Variants in PPM1A observed in about 807,000 individuals in gnomAD.
PPM1A encodes protein phosphatase 1A.
Under a neutral mutation model 35.0 loss-of-function variants are expected in PPM1A, and 7 were observed. The ratio of observed to expected loss-of-function variants is 0.20; its 90% CI spans 0.11 to 0.38. The LOEUF is 0.38. Among genes scored for constraint, PPM1A ranks in the 10% least tolerant of loss-of-function variants. The pLI, the probability that PPM1A is intolerant of heterozygous loss-of-function variation, is 1.00. For missense variants in PPM1A, 239 were observed against 467.8 expected, an observed-to-expected ratio of 0.51 and a Z score of 4.51; for synonymous variants, 153 against 167.3, an observed-to-expected ratio of 0.91 and a Z score of 0.66.
intron 1 of PPM1A, among the ~76,000 whole-genome samples, chr14:60,270,235 A>G (rs931533857): frequency 7.2e-5 from 11 of 152,158 alleles, no homozygotes; most frequent in Admixed American, 5.9e-4. Context: ...AAAATATTGC[A>G]ATGATATTTT....
At chr14:60,255,717 C>G (rs1368108688) in intron 1 of PPM1A, among the ~76,000 whole-genome samples, 2 of 152,116 alleles carry the variant, frequency 1.3e-5, no homozygotes, top group South Asian at 2.1e-4. Flanking sequence ...GACTCTCTTC[C>G]TGAATGTTAT....
At position 60,249,223 on chromosome 14, in the gene PPM1A, A is replaced by ATGC; in HGVS notation, c.-475_-474insTGC. The ATGC allele has an allele frequency of 1.0e-6, 1 of 986,602 alleles. No homozygotes were observed. Among genetic ancestry groups the ATGC allele is most frequent in the Non-Finnish European group, 1.2e-6 (1 of 831,496 alleles). The allele number at this position is 986,602 out of a possible 1,614,324, so 61.1% of individuals were successfully genotyped here. On this transcript the variant is annotated 5_prime_UTR_variant, in exon 1 of 6. It adds an upstream start codon to the 5' untranslated region. Coordinates refer to ENST00000395076, the MANE Select transcript of PPM1A (RefSeq NM_021003.5). This position sits in a 1 kb window ranked among gnomAD's most constrained non-coding sequence, Gnocchi z 4.5. The stretch of plus-strand genomic sequence containing the variant: ...GCGCGCCTGCGCGGGGCCGCGCTAG[A>ATGC]GGCGGCGGCGGCGGCGGTGGCGGCG...
At chr14:60,270,333 T>A (rs554493714) in intron 1 of PPM1A, among the ~76,000 whole-genome samples, 3 of 152,180 alleles carry the variant, frequency 2.0e-5, no homozygotes, top group Admixed American at 6.5e-5. Flanking sequence ...TTAGGTTTTT[T>A]AAAATTTTCT....
upstream of PPM1A, chr14:60,245,754 T>C (rs1256022894): frequency 8.7e-7 from 1 of 1,147,970 alleles, no homozygotes; most frequent in Non-Finnish European, 1.2e-6. This position sits in a 1 kb window ranked among gnomAD's most constrained non-coding sequence, Gnocchi z 4.2. Context: ...TTTCTCATAA[T>C]GTATTATGAT....
rs1249711613 is a variant in PPM1A at position 60,293,069 on chromosome 14, C to T, written c.*587C>T. On this transcript the variant is annotated 3_prime_UTR_variant, in exon 6 of 6. Coordinates refer to ENST00000395076, the MANE Select transcript of PPM1A (RefSeq NM_021003.5). This position sits in a 1 kb window ranked among gnomAD's most constrained non-coding sequence, Gnocchi z 4.0. ...GTTGGCATTGTTGATAAAGCCAGTC[C>T]CTTCATTTAACTGTCTTTCAGGATG... The T allele has an allele frequency of 3.9e-5, 6 of 151,944 alleles. No homozygotes were observed. The highest frequency in any genetic ancestry group is 1.5e-4 in the African/African-American group (6 of 41,346). The allele number at this position is 151,944 out of a possible 1,614,324, so 9.4% of individuals were successfully genotyped here. A position where few individuals can be genotyped will look rare whatever the true frequency, so the allele number is the denominator to read the frequency against.
intron 1 of PPM1A, among the ~76,000 whole-genome samples, chr14:60,275,047 A>G (rs1450847007): frequency 1.4e-5 from 2 of 143,618 alleles, no homozygotes; most frequent in Non-Finnish European, 3.0e-5. Context: ...AAAATTTTAG[A>G]TTTCTTTCTT....
rs1442828242 is a variant in PPM1A, at chr14:60,286,943, T to TTA, written c.952+1205_952+1206dup. On this transcript the variant is annotated intron_variant, in intron 3 of 5. Transcript: ENST00000395076. ...AAATTAATCATTCAATATAAGTTATTTATAGGTATAGTACAATTTTAAAAT... is the reference window on the plus strand; with the variant it reads ...AAATTAATCATTCAATATAAGTTATTTATATAGGTATAGTACAATTTTAAAAT... The TTA allele has an allele frequency of 6.7e-6, 6 of 894,408 alleles. No individual in the cohort carries two copies. The African/African-American group carries it at 9.0e-5, about 13-fold the overall frequency. The allele number at this position is 894,408 out of a possible 1,614,324, so 55.4% of individuals were successfully genotyped here. A position where few individuals can be genotyped will look rare whatever the true frequency, so the allele number is the denominator to read the frequency against.
At chr14:60,246,062 G>T, upstream of PPM1A, 1 of 1,538,194 alleles carries the variant, frequency 6.5e-7, no homozygotes, top group South Asian at 1.2e-5. Flanking sequence ...GAGGGAGGAA[G>T]GAATTGTTGA....
At chr14:60,287,678 G>A (rs1413070167) in intron 3 of PPM1A, 4 of 985,124 alleles carry the variant, frequency 4.1e-6, no homozygotes, top group Admixed American at 1.2e-4. Flanking sequence ...AAAGGACAAA[G>A]GCCTTCCAGC....
chr14:60,276,517 T>C (rs1019438678), intron 1 of PPM1A, among the ~76,000 whole-genome samples: 1 of 152,232 alleles, frequency 6.6e-6, no homozygotes, highest in South Asian at 2.1e-4. Flanking sequence ...TTTTGTTATA[T>C]GAGTAAGAAT....
At chr14:60,281,036 T>A (rs902181919) in intron 1 of PPM1A, among the ~76,000 whole-genome samples, 3 of 152,122 alleles carry the variant, frequency 2.0e-5, no homozygotes, top group African/African-American at 7.2e-5. Flanking sequence ...GGAGATAATA[T>A]TATTATCTAC....
intron 1 of PPM1A, among the ~76,000 whole-genome samples, chr14:60,280,565 C>T (rs1240310077): frequency 6.6e-6 from 1 of 152,070 alleles, no homozygotes; most frequent in African/African-American, 2.4e-5. Context: ...TTCCTTTTCT[C>T]AAGGTAGTGG....
At chr14:60,248,953 G>T (rs538079334), upstream of PPM1A, among the ~76,000 whole-genome samples, 1 of 152,290 alleles carries the variant, frequency 6.6e-6, no homozygotes, top group Admixed American at 6.5e-5. Context: ...CGCTCCCTTC[G>T]GCTTCGGCCT....
upstream of PPM1A, chr14:60,246,139 G>A: frequency 8.0e-7 from 1 of 1,257,484 alleles, no homozygotes; most frequent in Non-Finnish European, 1.1e-6. Flanking sequence ...GGATGGTGAG[G>A]GGTATTCTCA....
At chr14:60,258,118 A>G (rs559231060) in intron 1 of PPM1A, among the ~76,000 whole-genome samples, 1 of 152,160 alleles carries the variant, frequency 6.6e-6, no homozygotes, top group African/African-American at 2.4e-5. Context: ...TACAGTAAGC[A>G]GGTGTTTCAA....
At chr14:60,254,938 C>T (rs142157579) in intron 1 of PPM1A, among the ~76,000 whole-genome samples, 119 of 152,272 alleles carry the variant, frequency 7.8e-4, no homozygotes, top group African/African-American at 2.8e-3. Context: ...AACTAGTACA[C>T]TTGCTATCTC....
At chr14:60,287,355 C>T (rs1461969987) in intron 3 of PPM1A, 1 of 981,898 alleles carries the variant, frequency 1.0e-6, no homozygotes, top group Non-Finnish European at 1.2e-6. Context: ...ATACTTGTAC[C>T]ATTCAATTGG....
Position 60,255,701 on chromosome 14 carries a change from G to GTT in PPM1A, c.-21+6026_-21+6027dup, listed in dbSNP as rs200608961. ...AGTTACAAGCTTTATCGTAGCAGAC[G>GTT]TTTCTGACTCTCTTCCTGAATGTTA... On this transcript the variant is annotated intron_variant, in intron 1 of 5. Coordinates refer to ENST00000395076, the MANE Select transcript of PPM1A (RefSeq NM_021003.5). Among the ~76,000 whole-genome samples, 1,036 of 152,246 alleles carry GTT rather than the reference G, an allele frequency of 6.8e-3. 14 individuals carry two copies. Among genetic ancestry groups the GTT allele is most frequent in the African/African-American group, 0.024 (1,006 of 41,544 alleles).
rs1392993497 is a variant in PPM1A, at chr14:60,249,328, G to T, written c.-370G>T. The T allele has an allele frequency of 1.4e-5, 14 of 981,746 alleles. No individual in the cohort carries two copies. The highest frequency in any genetic ancestry group is 1.0e-3 in the Middle Eastern group (2 of 1,908). 60.8% of individuals were successfully genotyped at this position (981,746 alleles called of 1,614,324 possible). ...GGCCCGCAGCTTCGGGTCCTCAGGCGGCTGTTGCTCCGGAACGGGTGGTTG... is the reference window on the plus strand; with the variant it reads ...GGCCCGCAGCTTCGGGTCCTCAGGCTGCTGTTGCTCCGGAACGGGTGGTTG... On this transcript the variant is annotated 5_prime_UTR_variant, in exon 1 of 6. Coordinates refer to ENST00000395076, the MANE Select transcript of PPM1A (RefSeq NM_021003.5). This position sits in a 1 kb window ranked among gnomAD's most constrained non-coding sequence, Gnocchi z 4.5.
Sources: gnomAD v4.1 joint callset for allele counts (sites outside exome capture counted in the v4.1 genomes callset) on GRCh38, gnomAD v4.1.1 for gene constraint, Gnocchi (gnomAD v3.1) non-coding constraint, MANE v1.5 for transcripts, NCBI Gene and HGNC (gene_info 2026-07-23, HGNC 2026-07-21) for gene names.